The following ANKRD26 variants were observed in gnomAD, a reference collection of about 807,000 sequenced individuals.
The protein encoded by ANKRD26 is ankyrin repeat domain 26, also known as ankyrin repeat domain-containing protein 26.
Under a neutral mutation model 208.7 loss-of-function variants are expected in ANKRD26, and 141 were observed. That is an observed-to-expected ratio of 0.68 (90% CI 0.59 to 0.78). ANKRD26 has a LOEUF of 0.78. Ranked by LOEUF, ANKRD26 falls within the 30% of genes least tolerant of loss-of-function variation. The pLI, the probability that ANKRD26 is intolerant of heterozygous loss-of-function variation, is 0.00. For missense variants in ANKRD26, 1,889 were observed against 1,938.7 expected, an observed-to-expected ratio of 0.97 and a Z score of 0.48; for synonymous variants, 636 against 660.4, an observed-to-expected ratio of 0.96 and a Z score of 0.57.
At chr10:26,982,739 T>C (rs2052326860) in exon 4 of ANKRD26, among the ~76,000 whole-genome samples, 2 of 152,216 alleles carry the variant, frequency 1.3e-5, no homozygotes, top group Admixed American at 6.5e-5. Context: ...GTTAGAGCAC[T>C]TCTTTGGGCA....
At chr10:27,099,989 G>A (rs2056594334) in intron 1 of ANKRD26, 96 bp downstream of exon 1, 1 of 1,590,654 alleles carries the variant, frequency 6.3e-7, no homozygotes, top group Non-Finnish European at 8.5e-7. Flanking sequence ...GCCCGCGGGA[G>A]GCTGATCCAG....
the ANKRD26 span, among the ~76,000 whole-genome samples, chr10:26,950,012 G>T: frequency 6.6e-6 from 1 of 152,048 alleles, no homozygotes; most frequent in African/African-American, 2.4e-5. Context: ...GCATTTTTCT[G>T]ATTGCATTCT....
At chr10:27,095,312 A>C (rs972761395) in intron 1 of ANKRD26, among the ~76,000 whole-genome samples, 5 of 152,128 alleles carry the variant, frequency 3.3e-5, no homozygotes, top group African/African-American at 1.2e-4. Context: ...TTAAGACATA[A>C]ATTTTCAAAA....
At chr10:26,970,296 T>C (rs374277322), downstream of ANKRD26, among the ~76,000 whole-genome samples, 8 of 152,244 alleles carry the variant, frequency 5.3e-5, no homozygotes, top group African/African-American at 1.7e-4. Context: ...GATTGGATCA[T>C]GGGGGTGGAA....
At chr10:27,088,537 G>T (rs1409247075) in intron 4 of ANKRD26, 4 of 152,172 alleles carry the variant, frequency 2.6e-5, no homozygotes. Context: ...TGGCTTCCTT[G>T]TGAGGTACAA....
intron 27 of ANKRD26, among the ~76,000 whole-genome samples, chr10:27,027,246 A>G (rs79180797): frequency 0.016 from 2,507 of 152,316 alleles, 153 homozygotes; most frequent in East Asian, 0.16. Context: ...AAAACACATT[A>G]CTTTGGGGGA....
chr10:26,999,217 T>C (rs1031609938), downstream of ANKRD26, among the ~76,000 whole-genome samples: 5 of 152,206 alleles, frequency 3.3e-5, no homozygotes, highest in African/African-American at 9.6e-5. Context: ...ATCTAGGCCA[T>C]TGTAACTTAG....
chr10:27,007,247 T>G lies in ANKRD26; in HGVS notation c.4954-285A>C, dbSNP rs150909678. ...GATATTTTCTCTTATTTGTACAAGT[T>G]CAAACAACTGAAGTCATAGTTTGAA... On this transcript the variant is annotated intron_variant, in intron 32 of 33. Coordinates refer to ENST00000376087, the MANE Select transcript of ANKRD26 (RefSeq NM_014915.3). Among the ~76,000 whole-genome samples, 25 of 152,336 alleles carry G rather than the reference T, an allele frequency of 1.6e-4. No homozygotes were observed. In the East Asian group the frequency reaches 4.6e-3, roughly 28 times the overall value.
At chr10:26,955,256 C>T in the ANKRD26 span, among the ~76,000 whole-genome samples, 2 of 151,766 alleles carry the variant, frequency 1.3e-5, no homozygotes, top group African/African-American at 4.8e-5. Context: ...TGGTGAAACC[C>T]CATCTCTACT....
In ANKRD26 at chr10:27,005,008, C is replaced by T. The variant is rs999257513; in HGVS notation, c.*582G>A. 4.1e-6 allele frequency: 4 copies of T among 979,302 alleles called. No individual in the cohort carries two copies. In the African/African-American group the frequency reaches 5.3e-5, roughly 13 times the overall value. The allele number at this position is 979,302 out of a possible 1,614,324, so 60.7% of individuals were successfully genotyped here. On this transcript the variant is annotated 3_prime_UTR_variant, in exon 34 of 34. Transcript: ENST00000376087. Reference sequence around the variant, plus strand: ...TCTCAAATTGTTCGGAGGAGAAAGTCTTTGTACTAAAACTTCGAAATTTTC... The same window carrying T: ...TCTCAAATTGTTCGGAGGAGAAAGTTTTTGTACTAAAACTTCGAAATTTTC...
chr10:27,062,764 T>C (rs1399190446), intron 12 of ANKRD26, among the ~76,000 whole-genome samples: 2 of 151,648 alleles, frequency 1.3e-5, no homozygotes, highest in Non-Finnish European at 2.9e-5. Flanking sequence ...AACACTTTCT[T>C]TCTTTCTTTT....
chr10:27,070,854 A>G (rs1010662468), intron 9 of ANKRD26, among the ~76,000 whole-genome samples: 5 of 151,642 alleles, frequency 3.3e-5, no homozygotes, highest in Non-Finnish European at 7.4e-5. Flanking sequence ...TTTAGTAGAG[A>G]CAGGGTTTCA....
At position 27,022,651 on chromosome 10, in the gene ANKRD26, T is replaced by G; in HGVS notation, c.4122A>C (p.Leu1374Phe). ...TAAATTCTCCATTTTCATATTCATT[T>G]AACTTCTTTCTTGTCATTTTTAAGA... ...KNLLKMTRKK[L>F]NEYENGEFSF... The change falls in exon 29 of 34, where the codon TTA (leucine) becomes TTC (phenylalanine). Residue 1374 changes from leucine (L) to phenylalanine (F), a missense_variant. Transcript: ENST00000376087. 6.3e-7 allele frequency: 1 copy of G among 1,584,742 alleles called. No homozygotes were observed. Among genetic ancestry groups the G allele is most frequent in the Non-Finnish European group, 8.6e-7 (1 of 1,158,224 alleles).
chr10:27,020,951 G>A (rs1023160048), intron 29 of ANKRD26, among the ~76,000 whole-genome samples: 2 of 151,594 alleles, frequency 1.3e-5, no homozygotes, highest in Admixed American at 6.6e-5. Flanking sequence ...ATGAGCCACC[G>A]TACCCAGCCA....
intron 24 of ANKRD26, among the ~76,000 whole-genome samples, chr10:27,033,972 C>T (rs1430205413): frequency 6.6e-6 from 1 of 152,148 alleles, no homozygotes; most frequent in Admixed American, 6.5e-5. Context: ...AAATGGTGGT[C>T]CAATGCCAAA....
Position 27,029,335 on chromosome 10 carries a change from G to A in ANKRD26, c.3829C>T (p.His1277Tyr), listed in dbSNP as rs746378048. The A allele has an allele frequency of 1.2e-6, 2 of 1,612,626 alleles. No individual in the cohort carries two copies. The highest frequency in any genetic ancestry group is 1.7e-6 in the Non-Finnish European group (2 of 1,179,204). The change falls in exon 26 of 34, where the codon CAT becomes TAT. Residue 1277 changes from histidine (H) to tyrosine (Y), a missense_variant. His to Tyr is a moderately conservative substitution (Grantham distance 83). Coordinates refer to ENST00000376087, the MANE Select transcript of ANKRD26 (RefSeq NM_014915.3). ...RNQLQEAQDR[H>Y]TEAVRCAEKM... Reference sequence around the variant, plus strand: ...TCAGCACATCTGACAGCTTCTGTATGTCGATCCTGTGCTTCTTGCAACTAA... The same window carrying A: ...TCAGCACATCTGACAGCTTCTGTATATCGATCCTGTGCTTCTTGCAACTAA...
chr10:27,051,561 T>A, intron 16 of ANKRD26: 2 of 985,182 alleles, frequency 2.0e-6, no homozygotes, highest in Non-Finnish European at 2.4e-6. Flanking sequence ...CTCATCTGTG[T>A]TAAAAACATG....
At chr10:27,023,899 G>GT (rs1408960263) in intron 28 of ANKRD26, among the ~76,000 whole-genome samples, 2 of 150,612 alleles carry the variant, frequency 1.3e-5, no homozygotes, top group Non-Finnish European at 3.0e-5. Flanking sequence ...ACAAACAGAA[G>GT]TTTAATAACA....
At chr10:26,999,617 T>C (rs924090732), downstream of ANKRD26, among the ~76,000 whole-genome samples, 2 of 152,126 alleles carry the variant, frequency 1.3e-5, no homozygotes, top group East Asian at 1.9e-4. Context: ...AGAAACCTCA[T>C]TGGAGCCACT....
Sources: gnomAD v4.1 joint callset for allele counts (sites outside exome capture counted in the v4.1 genomes callset) on GRCh38, gnomAD v4.1.1 for gene constraint, MANE v1.5 for transcripts, NCBI Gene and HGNC (gene_info 2026-07-23, HGNC 2026-07-21) for gene names.